The following PKHD1L1 variants were observed in gnomAD, a reference collection of about 807,000 sequenced individuals.
PKHD1L1 encodes fibrocystin-L.
A neutral mutation model predicts 462.9 loss-of-function variants in PKHD1L1; 434 were observed. That is an observed-to-expected ratio of 0.94 (90% CI 0.87 to 1.02). The LOEUF is 1.02. Ranked by LOEUF, PKHD1L1 falls within the 50% of genes least tolerant of loss-of-function variation. The pLI is 0.00. For synonymous variants in PKHD1L1, 1,781 were observed against 1,750.0 expected, an observed-to-expected ratio of 1.02 and a Z score of -0.44; for missense variants, 5,202 against 5,096.1, an observed-to-expected ratio of 1.02 and a Z score of -0.63.
At chr8:109,469,583 G>A (rs542973121) in intron 50 of PKHD1L1, among the ~76,000 whole-genome samples, 2 of 152,268 alleles carry the variant, frequency 1.3e-5, no homozygotes, top group South Asian at 4.1e-4. Context: ...ACCTAAGTGT[G>A]CAGTGCCACT....
At position 109,532,615 on chromosome 8, in the gene PKHD1L1, G is replaced by T. The variant is rs752311847; in HGVS notation, c.*2525G>T. Among the ~76,000 whole-genome samples, 1 of 152,176 alleles carries T rather than the reference G, an allele frequency of 6.6e-6. No homozygotes were observed. Among genetic ancestry groups the T allele is most frequent in the African/African-American group, 2.4e-5 (1 of 41,450 alleles). On this transcript the variant is annotated 3_prime_UTR_variant, in exon 78 of 78. Transcript: ENST00000378402. The stretch of plus-strand genomic sequence containing the variant: ...TATTCTTCTACCTAAGACCTGAAAT[G>T]TTGGCGAAGTAAATATGTTGTTCCA...
intron 2 of PKHD1L1, among the ~76,000 whole-genome samples, chr8:109,376,204 G>A (rs1054729524): frequency 2.0e-5 from 3 of 152,218 alleles, no homozygotes; most frequent in Non-Finnish European, 4.4e-5. Context: ...GCATTGGTGG[G>A]TGCCCCTCCC....
chr8:109,462,139 T>A (rs143499928), intron 48 of PKHD1L1, among the ~76,000 whole-genome samples: 1 of 152,244 alleles, frequency 6.6e-6, no homozygotes, highest in Non-Finnish European at 1.5e-5. Context: ...ACCCACAAAA[T>A]GCTGTAACCA....
At chr8:109,430,689 A>G (rs1038482560) in intron 27 of PKHD1L1, among the ~76,000 whole-genome samples, 3 of 152,184 alleles carry the variant, frequency 2.0e-5, no homozygotes, top group Non-Finnish European at 2.9e-5. Context: ...CTCATATGCT[A>G]TAGTTACATA....
At position 109,408,131 on chromosome 8, in the gene PKHD1L1, C is replaced by T; in HGVS notation, c.1896C>T (p.Pro632=). The T allele has an allele frequency of 6.2e-7, 1 of 1,613,222 alleles. No homozygotes were observed. The highest frequency in any genetic ancestry group is 8.5e-7 in the Non-Finnish European group (1 of 1,179,410). ...LDITEQTKGK[P]NLETFTLNWD... is the part of the protein sequence containing the mutation. ...TTACAGAACAAACCAAAGGAAAACC[C>T]AACTTGGAGACATTCACACTGAATT... The change falls in exon 18 of 78, where the codon CCC becomes CCT. Residue 632 remains proline (P), a synonymous_variant. Coordinates refer to ENST00000378402, the MANE Select transcript of PKHD1L1 (RefSeq NM_177531.6).
intron 38 of PKHD1L1, among the ~76,000 whole-genome samples, chr8:109,447,524 G>A (rs927149285): frequency 3.9e-5 from 6 of 152,142 alleles, no homozygotes; most frequent in African/African-American, 1.4e-4. Context: ...TCAAAAGAGG[G>A]AAGCAAGAGA....
At chr8:109,462,495 T>C (rs1307996284) in intron 48 of PKHD1L1, among the ~76,000 whole-genome samples, 1 of 152,102 alleles carries the variant, frequency 6.6e-6, no homozygotes, top group Non-Finnish European at 1.5e-5. Context: ...TGTGATCATG[T>C]CAAGCACATT....
Position 109,401,489 on chromosome 8 carries a change from C to A in PKHD1L1, c.1282-8C>A. 6.7e-7 allele frequency: 1 copy of A among 1,482,218 alleles called. No individual in the cohort carries two copies. Among genetic ancestry groups the A allele is most frequent in the Non-Finnish European group, 9.4e-7 (1 of 1,066,394 alleles). The allele number at this position is 1,482,218 out of a possible 1,614,324, so 91.8% of individuals were successfully genotyped here. A position where few individuals can be genotyped will look rare whatever the true frequency, so the allele number is the denominator to read the frequency against. Reference sequence around the variant, plus strand: ...CCCTTTTCTCTGTCTCTGTCTCTCTCGGATTAGGTGAGGATTGCATATCAT... The same window carrying A: ...CCCTTTTCTCTGTCTCTGTCTCTCTAGGATTAGGTGAGGATTGCATATCAT... On this transcript the variant is annotated splice_region_variant and splice_polypyrimidine_tract_variant and intron_variant, in intron 13 of 77. Transcript: ENST00000378402.
rs73704032 is a variant in PKHD1L1 at position 109,484,254 on chromosome 8, C to G, written c.9577-790C>G. ...GAGAGTAATTAAGTGATTTTGATATCCCTATTATTTATCCAATTAATACTG... is the reference window on the plus strand; with the variant it reads ...GAGAGTAATTAAGTGATTTTGATATGCCTATTATTTATCCAATTAATACTG... On this transcript the variant is annotated intron_variant, in intron 57 of 77. Coordinates refer to ENST00000378402, the MANE Select transcript of PKHD1L1 (RefSeq NM_177531.6). 9.2e-3 allele frequency among the ~76,000 whole-genome samples: 1,392 copies of G among 151,800 alleles called. 15 individuals are homozygous for G. The highest frequency in any genetic ancestry group is 0.031 in the African/African-American group (1,302 of 41,462).
At position 109,522,259 on chromosome 8, in the gene PKHD1L1, T is replaced by C. The variant is rs1563637062; in HGVS notation, c.12105T>C (p.Ser4035=). The C allele has an allele frequency of 6.2e-7, 1 of 1,603,016 alleles. No homozygotes were observed. Among genetic ancestry groups the C allele is most frequent in the East Asian group, 2.2e-5 (1 of 44,696 alleles). Residue 4035 remains serine (S), a synonymous_variant, in exon 74 of 78, where the codon AGT becomes AGC. Coordinates refer to ENST00000378402, the MANE Select transcript of PKHD1L1 (RefSeq NM_177531.6). ...AAGCTGTAATTTTAGGAAACATCAG[T>C]AGTATCCTTGGATTTAACATTTCGT... ...LGQAVILGNI[S]SILGFNISSM...
chr8:109,475,051 T>C (rs570388760), intron 50 of PKHD1L1, 67 bp from the exon 51 acceptor site: 20 of 1,418,642 alleles, frequency 1.4e-5, no homozygotes, highest in Non-Finnish European at 1.8e-5. Context: ...TTGCACTTGT[T>C]TACAAAAGGA....
chr8:109,396,061 T>G lies in PKHD1L1; in HGVS notation c.846T>G (p.Ile282Met). 6.2e-7 allele frequency: 1 copy of G among 1,607,204 alleles called. No homozygotes were observed. The change falls in exon 11 of 78, where the codon ATT becomes ATG. Residue 282 changes from isoleucine to methionine, a missense_variant. Around this residue, in one of 3 missense-constraint regions of PKHD1L1, gnomAD observed 4,497 missense variants for 4,336.8 expected, o/e 1.04. Coordinates refer to ENST00000378402, the MANE Select transcript of PKHD1L1 (RefSeq NM_177531.6). Reference sequence around the variant, plus strand: ...TGATTTTCCCTTCACAAGGAAGCATTCGAGGTGGCACCACGCTGACAATAA... The same window carrying G: ...TGATTTTCCCTTCACAAGGAAGCATGCGAGGTGGCACCACGCTGACAATAA... ...VTMIFPSQGSIRGGTTLTISG... is the reference protein window; with the variant it reads ...VTMIFPSQGSMRGGTTLTISG...
At chr8:109,490,086 T>A in intron 60 of PKHD1L1, 31 bp downstream of exon 60, 3 of 1,339,342 alleles carry the variant, frequency 2.2e-6, no homozygotes, top group Non-Finnish European at 3.1e-6. Context: ...TTTGTGTATA[T>A]TAAAAATATG....
At chr8:109,492,117 G>T in intron 62 of PKHD1L1, 123 bp downstream of exon 62, 1 of 775,986 alleles carries the variant, frequency 1.3e-6, no homozygotes, top group South Asian at 3.9e-5. Flanking sequence ...AAGTTTCGAT[G>T]GCCATTGATT....
chr8:109,412,431 G>C lies in PKHD1L1; in HGVS notation c.2235+17G>C, dbSNP rs778272257. On this transcript the variant is annotated intron_variant, in intron 20 of 77. Coordinates refer to ENST00000378402, the MANE Select transcript of PKHD1L1 (RefSeq NM_177531.6). ...TATAATCAGGTAAGCTCAACAAAATGATATGCTAATTGAATCTGGAAAATA... is the reference window on the plus strand; with the variant it reads ...TATAATCAGGTAAGCTCAACAAAATCATATGCTAATTGAATCTGGAAAATA... 1.3e-6 allele frequency: 2 copies of C among 1,579,582 alleles called. No homozygotes were observed. Among genetic ancestry groups the C allele is most frequent in the Non-Finnish European group, 1.7e-6 (2 of 1,161,854 alleles).
intron 52 of PKHD1L1, among the ~76,000 whole-genome samples, chr8:109,477,017 T>G (rs1818022499): frequency 6.6e-6 from 1 of 152,150 alleles, no homozygotes; most frequent in Non-Finnish European, 1.5e-5. Flanking sequence ...TTAATTAAAT[T>G]CTAAAGCATT....
chr8:109,454,160 T>A lies in PKHD1L1; in HGVS notation c.6665-7T>A, dbSNP rs773035053. The A allele has an allele frequency of 5.6e-6, 9 of 1,594,464 alleles. No individual in the cohort carries two copies. In the East Asian group the frequency reaches 2.0e-4, roughly 36 times the overall value. On this transcript the variant is annotated splice_polypyrimidine_tract_variant and splice_region_variant and intron_variant, in intron 43 of 77. Transcript: ENST00000378402. Reference sequence around the variant, plus strand: ...TGTGATGTATTTCAAAATTGTATGATTCATAGGTGGGACTCTAATATTTGA... The same window carrying A: ...TGTGATGTATTTCAAAATTGTATGAATCATAGGTGGGACTCTAATATTTGA...
chr8:109,466,476 A>C (rs1817444226), intron 49 of PKHD1L1, 102 bp from the exon 50 acceptor site: 4 of 1,164,266 alleles, frequency 3.4e-6, no homozygotes, highest in Non-Finnish European at 4.6e-6. Flanking sequence ...AGACTTTTAG[A>C]CTGTATTAGT....
chr8:109,385,576 T>C lies in PKHD1L1; in HGVS notation c.515T>C (p.Val172Ala), dbSNP rs762923139. The change falls in exon 6 of 78, where the codon GTC (valine) becomes GCC (alanine). Residue 172 changes from valine to alanine, a missense_variant. Val to Ala is a moderately conservative substitution (Grantham distance 64). Around this residue, in one of 3 missense-constraint regions of PKHD1L1, gnomAD observed 4,497 missense variants for 4,336.8 expected, o/e 1.04. Transcript: ENST00000378402. ...ATCCAAGGCAGAATCTTCACTGATG[T>C]CTATGGAAGTAATATTGCACTAAGC... is the stretch of plus-strand genomic sequence containing the variant. ...ITIQGRIFTDVYGSNIALSSN... is the reference protein window; with the variant it reads ...ITIQGRIFTDAYGSNIALSSN... 1.6e-4 allele frequency: 257 copies of C among 1,606,692 alleles called. No homozygotes were observed. Among genetic ancestry groups the C allele is most frequent in the South Asian group, 1.3e-3 (120 of 90,066 alleles).
Sources: allele counts gnomAD v4.1 joint callset (sites outside exome capture counted in the v4.1 genomes callset), GRCh38; gene constraint gnomAD v4.1.1; regional missense constraint gnomAD v4.1.1; transcripts MANE v1.5; gene names NCBI Gene and HGNC (gene_info 2026-07-23, HGNC 2026-07-21).